The following SEMA3E variants were observed in gnomAD, a reference collection of about 807,000 sequenced individuals.
SEMA3E encodes the protein semaphorin-3E.
A neutral mutation model predicts 93.6 loss-of-function variants in SEMA3E; 49 were observed. The observed-to-expected ratio is 0.52, with a 90% CI of 0.42 to 0.66. SEMA3E has a LOEUF of 0.66. Among genes scored for constraint, SEMA3E ranks in the 30% least tolerant of loss-of-function variants. The pLI, the probability that SEMA3E is intolerant of heterozygous loss-of-function variation, is 0.00. For missense variants in SEMA3E, 906 were observed against 964.8 expected (o/e 0.94, Z 0.81); for synonymous variants, 363 against 330.7 (o/e 1.10, Z -1.06).
chr7:83,464,890 C>T (rs539000023), intron 4 of SEMA3E, among the ~76,000 whole-genome samples: 17 of 151,236 alleles, frequency 1.1e-4, no homozygotes, highest in Admixed American at 7.3e-4. Context: ...GCCGCCCCAA[C>T]ACTTCAACAC....
In SEMA3E at chr7:83,370,114, T is replaced by A. The variant is rs878915682; in HGVS notation, c.1876-2076A>T. On this transcript the variant is annotated intron_variant, in intron 16 of 16. Transcript: ENST00000643230. ...TCACTGATCTTACATTTTATTTCCA[T>A]CCATTTGATAGTACTTTTATTCCTT... 1.3e-5 allele frequency among the ~76,000 whole-genome samples: 2 copies of A among 152,276 alleles called. 1 individual carries two copies. The highest frequency in any genetic ancestry group is 2.9e-5 in the Non-Finnish European group (2 of 68,010).
intron 5 of SEMA3E, among the ~76,000 whole-genome samples, chr7:83,416,351 T>C (rs1788538361): frequency 6.6e-6 from 1 of 151,932 alleles, no homozygotes; most frequent in Non-Finnish European, 1.5e-5. Flanking sequence ...GATTTGGAGG[T>C]TCAATGAAAC....
At chr7:83,444,281 A>C (rs1789179902) in intron 4 of SEMA3E, among the ~76,000 whole-genome samples, 1 of 152,148 alleles carries the variant, frequency 6.6e-6, no homozygotes, top group African/African-American at 2.4e-5. Context: ...ATGGCACAAA[A>C]TCTCGTGATT....
intron 2 of SEMA3E, among the ~76,000 whole-genome samples, chr7:83,483,721 G>A (rs1359887344): frequency 2.0e-5 from 3 of 151,728 alleles, no homozygotes; most frequent in Admixed American, 1.3e-4. Context: ...AAAGGAGGGA[G>A]TACTGACAAT....
intron 4 of SEMA3E, among the ~76,000 whole-genome samples, chr7:83,464,975 G>T (rs1198246827): frequency 2.6e-5 from 4 of 151,300 alleles, no homozygotes; most frequent in Non-Finnish European, 5.9e-5. Flanking sequence ...ATCGCATCCC[G>T]TGACTTGCAC....
At chr7:83,497,235 A>G (rs1790506544) in intron 1 of SEMA3E, among the ~76,000 whole-genome samples, 3 of 152,166 alleles carry the variant, frequency 2.0e-5, no homozygotes, top group Non-Finnish European at 2.9e-5. Flanking sequence ...CTTTGTCAAA[A>G]TATATTTAAA....
intron 4 of SEMA3E, among the ~76,000 whole-genome samples, chr7:83,447,538 A>AAAC (rs559408753): frequency 6.6e-6 from 1 of 152,206 alleles, no homozygotes; most frequent in African/African-American, 2.4e-5. Flanking sequence ...ACTCTGTCTC[A>AAAC]AACAACAACA....
At chr7:83,425,520 A>G (rs1406940165) in intron 4 of SEMA3E, among the ~76,000 whole-genome samples, 5 of 152,018 alleles carry the variant, frequency 3.3e-5, no homozygotes, top group Admixed American at 3.3e-4. Context: ...TGAATTGTGA[A>G]TTTTTTCTCA....
intron 4 of SEMA3E, among the ~76,000 whole-genome samples, chr7:83,423,733 G>A (rs537881390): frequency 2.3e-3 from 340 of 150,302 alleles, no homozygotes; most frequent in African/African-American, 7.8e-3. Flanking sequence ...GGATGGTCCC[G>A]ATCTCCTGAC....
intron 1 of SEMA3E, among the ~76,000 whole-genome samples, chr7:83,565,975 T>C (rs1792140694): frequency 6.6e-6 from 1 of 151,368 alleles, no homozygotes; most frequent in African/African-American, 2.4e-5. Flanking sequence ...TACACTTCCT[T>C]ACTTACCAAT....
At chr7:83,467,954 G>C (rs886150744) in intron 3 of SEMA3E, among the ~76,000 whole-genome samples, 1 of 152,142 alleles carries the variant, frequency 6.6e-6, no homozygotes, top group African/African-American at 2.4e-5. Flanking sequence ...ATTTTAGCAA[G>C]CATTCTTTTG....
intron 1 of SEMA3E, among the ~76,000 whole-genome samples, chr7:83,523,946 G>T (rs1281414042): frequency 6.6e-6 from 1 of 151,912 alleles, no homozygotes; most frequent in South Asian, 2.1e-4. Flanking sequence ...AATATTTCAC[G>T]TTTCTTTTGA....
intron 1 of SEMA3E, among the ~76,000 whole-genome samples, chr7:83,532,866 A>C (rs550461076): frequency 6.6e-6 from 1 of 152,124 alleles, no homozygotes; most frequent in Admixed American, 6.6e-5. Flanking sequence ...TTTGTTAATT[A>C]ATTAACACGT....
chr7:83,387,086 T>C, intron 14 of SEMA3E, 36 bp from the exon 15 acceptor site: 2 of 1,595,872 alleles, frequency 1.3e-6, no homozygotes, highest in Non-Finnish European at 1.7e-6. Context: ...TGTTCATTTT[T>C]TCAATTTTCC....
chr7:83,540,268 A>T (rs1791493497), intron 1 of SEMA3E, among the ~76,000 whole-genome samples: 1 of 152,230 alleles, frequency 6.6e-6, no homozygotes, highest in South Asian at 2.1e-4. Context: ...TATGTATATT[A>T]TTCTAGATCA....
chr7:83,500,585 TC>T (rs1305163149), intron 1 of SEMA3E, among the ~76,000 whole-genome samples: 1 of 113,780 alleles, frequency 8.8e-6, no homozygotes, highest in African/African-American at 3.3e-5. Context: ...TATCTAACTT[TC>T]TTCCTTTTTT....
At chr7:83,449,064 AAATTTT>A (rs1584255595) in intron 4 of SEMA3E, among the ~76,000 whole-genome samples, 1 of 151,610 alleles carries the variant, frequency 6.6e-6, no homozygotes, top group East Asian at 1.9e-4. Flanking sequence ...TTATACAATT[AAATTTT>A]AAGTTTTATT....
At chr7:83,475,796 T>C (rs1789997469) in intron 2 of SEMA3E, among the ~76,000 whole-genome samples, 1 of 152,174 alleles carries the variant, frequency 6.6e-6, no homozygotes, top group African/African-American at 2.4e-5. Context: ...AGATAAGATA[T>C]TATGTGATGG....
chr7:83,574,062 C>T (rs902416450), intron 1 of SEMA3E, among the ~76,000 whole-genome samples: 1 of 152,022 alleles, frequency 6.6e-6, no homozygotes, highest in Non-Finnish European at 1.5e-5. Flanking sequence ...ATTAACACTG[C>T]AATTTGATCT....
Sources: allele counts gnomAD v4.1 joint callset (sites outside exome capture counted in the v4.1 genomes callset), GRCh38; gene constraint gnomAD v4.1.1; transcripts MANE v1.5; gene names NCBI Gene and HGNC (gene_info 2026-07-23, HGNC 2026-07-21).